USH1C: variants seen among roughly 807,000 people sequenced by gnomAD.
USH1C encodes the protein harmonin.
A neutral mutation model predicts 119.3 loss-of-function variants in USH1C; 90 were observed. The observed-to-expected ratio is 0.75, with a 90% CI of 0.64 to 0.90. The LOEUF is 0.90. USH1C is among the 40% of genes least tolerant of loss of function. The pLI is 0.00. For synonymous variants in USH1C, 465 were observed against 443.3 expected (o/e 1.05, Z -0.62); for missense variants, 1,165 against 1,167.7 (o/e 1.00, Z 0.03).
chr11:17,522,928 T>C lies in USH1C; in HGVS notation c.877-2A>G. 6.2e-7 allele frequency: 1 copy of C among 1,610,464 alleles called. No individual in the cohort carries two copies. The highest frequency in any genetic ancestry group is 8.5e-7 in the Non-Finnish European group (1 of 1,178,576). ...GTCTGTCATGAACAGCTCCCGGCCC[T>C]CATGGGAGAAAAGAGGCCCCTTGCT... On this transcript the variant is annotated splice_acceptor_variant, in intron 11 of 26. Coordinates refer to ENST00000005226, the MANE Select transcript of USH1C (RefSeq NM_153676.4). LOFTEE classifies it high-confidence loss of function.
At position 17,505,687 on chromosome 11, in the gene USH1C, G is replaced by C. The variant is rs1020612361; in HGVS notation, c.2133+143C>G. ...TTACACCCATGTGGCCTCATCTCTT[G>C]GCCAATAAGAAGGTTAAGAGATGGC... On this transcript the variant is annotated intron_variant, in intron 19 of 26. Coordinates refer to ENST00000005226, the MANE Select transcript of USH1C (RefSeq NM_153676.4). 9 of 1,253,446 alleles carry C rather than the reference G, an allele frequency of 7.2e-6. No homozygotes were observed. In the African/African-American group the frequency reaches 1.2e-4, roughly 17 times the overall value. The allele number at this position is 1,253,446 out of a possible 1,614,324, so 77.6% of individuals were successfully genotyped here.
intron 14 of USH1C, among the ~76,000 whole-genome samples, chr11:17,520,218 C>G (rs549494647): frequency 6.6e-6 from 1 of 152,098 alleles, no homozygotes; most frequent in Admixed American, 6.5e-5. Flanking sequence ...GTGGTAGAGG[C>G]TTAGACTGAA....
At position 17,518,964 on chromosome 11, in the gene USH1C, G is replaced by A. The variant is rs567910340; in HGVS notation, c.1210+1906C>T. 2.2e-4 allele frequency among the ~76,000 whole-genome samples: 33 copies of A among 152,126 alleles called. No homozygotes were observed. The East Asian group carries it at 2.3e-3, about 11-fold the overall frequency. Reference sequence around the variant, plus strand: ...TGAACCCAGGAGGCGGAGGCTGCGGGGAGCTGAGATCACGCCATGGCACTC... The same window carrying A: ...TGAACCCAGGAGGCGGAGGCTGCGGAGAGCTGAGATCACGCCATGGCACTC... On this transcript the variant is annotated intron_variant, in intron 14 of 26. Coordinates refer to ENST00000005226, the MANE Select transcript of USH1C (RefSeq NM_153676.4).
chr11:17,496,867 G>A, intron 24 of USH1C, 54 bp from the exon 25 acceptor site: 1 of 1,600,268 alleles, frequency 6.2e-7, no homozygotes, highest in Non-Finnish European at 8.6e-7. Flanking sequence ...TGGTGCATCT[G>A]CCCCGGCACT....
Position 17,531,300 on chromosome 11 carries a change from A to C in USH1C, c.249-8T>G, listed in dbSNP as rs1314924790. On this transcript the variant is annotated splice_polypyrimidine_tract_variant and splice_region_variant and intron_variant, in intron 3 of 26. Coordinates refer to ENST00000005226, the MANE Select transcript of USH1C (RefSeq NM_153676.4). This position sits in a 1 kb window ranked among gnomAD's most constrained non-coding sequence, Gnocchi z 4.2. ...CGCACCTCCTTCAGCTTCCTGCCAC[A>C]CAGGAGAGGTCGGTGATGGTGCAGC... The C allele has an allele frequency of 6.2e-7, 1 of 1,613,968 alleles. No homozygotes were observed. The highest frequency in any genetic ancestry group is 1.3e-5 in the African/African-American group (1 of 74,914).
At chr11:17,501,181 C>CA (rs1849429273) in intron 22 of USH1C, 31 bp from the exon 23 acceptor site, 12 of 1,566,866 alleles carry the variant, frequency 7.7e-6, no homozygotes, top group Non-Finnish European at 9.6e-6. Context: ...CTTAGGGAGC[C>CA]AAGCAGACAG....
intron 1 of USH1C, among the ~76,000 whole-genome samples, chr11:17,536,873 T>C (rs1350174234): frequency 6.6e-6 from 1 of 152,248 alleles, no homozygotes; most frequent in Non-Finnish European, 1.5e-5. Flanking sequence ...CTGGTTTGTG[T>C]AGAATGCTCT....
chr11:17,501,482 C>T lies in USH1C; in HGVS notation c.2280G>A (p.Lys760=). 6.2e-7 allele frequency: 1 copy of T among 1,612,976 alleles called. No homozygotes were observed. The highest frequency in any genetic ancestry group is 8.5e-7 in the Non-Finnish European group (1 of 1,179,560). ...GKDVRLLRIK[K]EGSLDLALEG... is the part of the protein sequence containing the mutation. ...CACCGGCCTCCACATGCCCAGGTAC[C>T]TTCTTGATGCGTAGGAGCCGGACAT... The change falls in exon 22 of 27, where the codon AAG becomes AAA. Residue 760 remains lysine, a splice_region_variant and synonymous_variant. Transcript: ENST00000005226.
Position 17,498,252 on chromosome 11 carries a change from GT to G in USH1C, c.2399del (p.Asp800AlafsTer11). The G allele has an allele frequency of 6.2e-7, 1 of 1,614,108 alleles. No homozygotes were observed. The highest frequency in any genetic ancestry group is 1.1e-5 in the South Asian group (1 of 91,078). Reference sequence around the variant, plus strand: ...TCTTGCCGTTGATTGCCATGATCTCGTCCCCTTTCACAATGCCACCTGCAGG... The same window carrying G: ...TCTTGCCGTTGATTGCCATGATCTCGCCCCTTTCACAATGCCACCTGCAGG... ...AERHGGIVKG[D>X]EIMAINGKIV... On this transcript the variant is annotated frameshift_variant, in exon 24 of 27. Transcript: ENST00000005226. LOFTEE classifies it high-confidence loss of function.
rs780784680 is a variant in USH1C, at chr11:17,496,801, G to A, written c.2503C>T (p.Leu835Phe). The A allele has an allele frequency of 1.1e-5, 18 of 1,614,076 alleles. No individual in the cohort carries two copies. The highest frequency in any genetic ancestry group is 2.2e-5 in the East Asian group (1 of 44,888). ...AWNQGGDWIDLVVAVCPPKEY... is the reference protein window; with the variant it reads ...AWNQGGDWIDFVVAVCPPKEY... The stretch of plus-strand genomic sequence containing the variant: ...TTTGGGGGGCAGACGGCAACCACAA[G>A]GTCGATCCAGTCCTGTGGGGAGAAG... Residue 835 changes from leucine to phenylalanine, a missense_variant, in exon 25 of 27, where the codon CTT becomes TTT. Coordinates refer to ENST00000005226, the MANE Select transcript of USH1C (RefSeq NM_153676.4).
chr11:17,497,223 T>C (rs2133769654), intron 24 of USH1C, among the ~76,000 whole-genome samples: 1 of 152,308 alleles, frequency 6.6e-6, no homozygotes, highest in Admixed American at 6.5e-5. Flanking sequence ...CACAATCAAG[T>C]GGGGGACTTC....
chr11:17,526,989 T>A, intron 6 of USH1C, 27 bp downstream of exon 6: 2 of 1,562,604 alleles, frequency 1.3e-6, no homozygotes, highest in Non-Finnish European at 1.7e-6. Context: ...CAGGGAAGAG[T>A]TGGCCTGCAG....
intron 14 of USH1C, among the ~76,000 whole-genome samples, chr11:17,516,993 G>A (rs1224045733): frequency 6.6e-6 from 1 of 152,130 alleles, no homozygotes; most frequent in African/African-American, 2.4e-5. Flanking sequence ...CAAGAGCGAT[G>A]GCTGAATTAC....
chr11:17,526,836 A>G (rs1850701175), intron 6 of USH1C, 26 bp from the exon 7 acceptor site: 2 of 1,606,764 alleles, frequency 1.2e-6, no homozygotes, highest in African/African-American at 1.4e-5. Context: ...AATAGATGGG[A>G]GGGTGGTTAG....
At position 17,531,021 on chromosome 11, in the gene USH1C, G is replaced by A. The variant is rs1031748232; in HGVS notation, c.387+133C>T. 5.0e-6 allele frequency: 7 copies of A among 1,405,984 alleles called. No individual in the cohort carries two copies. The African/African-American group carries it at 5.7e-5, about 11-fold the overall frequency. 87.1% of individuals were successfully genotyped at this position (1,405,984 alleles called of 1,614,324 possible). On this transcript the variant is annotated intron_variant, in intron 4 of 26. Transcript: ENST00000005226. The surrounding 1 kb of genome is among the most constrained non-coding windows in gnomAD (Gnocchi z 4.2). Reference sequence around the variant, plus strand: ...AGCCTAAGAACACCCATCAGGATGCGCCAGCCTCTTCTTCACCCGAAGGCT... The same window carrying A: ...AGCCTAAGAACACCCATCAGGATGCACCAGCCTCTTCTTCACCCGAAGGCT...
At chr11:17,504,972 C>T (rs936395818) in intron 19 of USH1C, among the ~76,000 whole-genome samples, 10 of 152,194 alleles carry the variant, frequency 6.6e-5, no homozygotes, top group South Asian at 2.1e-4. Context: ...GGGGAGCTGA[C>T]GGGACAGTTA....
At chr11:17,501,371 G>T in intron 22 of USH1C, 111 bp downstream of exon 22, 1 of 1,276,762 alleles carries the variant, frequency 7.8e-7, no homozygotes, top group South Asian at 1.3e-5. Context: ...GGACAGTGGG[G>T]ACCTGAGAGA....
intron 12 of USH1C, among the ~76,000 whole-genome samples, chr11:17,521,816 T>C (rs1213170375): frequency 6.6e-6 from 1 of 152,184 alleles, no homozygotes; most frequent in East Asian, 1.9e-4. Flanking sequence ...GCCTTTCCTC[T>C]TTCCTTTTCA....
chr11:17,504,985 GC>G (rs1347905245), intron 19 of USH1C, among the ~76,000 whole-genome samples: 1 of 152,182 alleles, frequency 6.6e-6, no homozygotes, highest in Non-Finnish European at 1.5e-5. Flanking sequence ...GACAGTTAAG[GC>G]CCAAAATAAA....
Sources: allele counts gnomAD v4.1 joint callset (sites outside exome capture counted in the v4.1 genomes callset), GRCh38; gene constraint gnomAD v4.1.1; non-coding constraint Gnocchi (gnomAD v3.1); transcripts MANE v1.5; gene names NCBI Gene and HGNC (gene_info 2026-07-23, HGNC 2026-07-21).